The following FAM107B variants were observed in gnomAD, a reference collection of about 807,000 sequenced individuals.
FAM107B encodes family with sequence similarity 107 member B.
FAM107B carries 21 observed loss-of-function variants against 31.5 expected under a neutral mutation model. That is an observed-to-expected ratio of 0.67 (90% CI 0.47 to 0.96). FAM107B has a LOEUF of 0.96. FAM107B is among the 40% of genes least tolerant of loss of function. The probability of loss-of-function intolerance (pLI) is 0.00; values close to 1 mark genes in which losing one functional copy is unlikely to be tolerated. For synonymous variants in FAM107B, 157 were observed against 141.5 expected (o/e 1.11, Z -0.78); for missense variants, 452 against 377.1 (o/e 1.20, Z -1.64).
intron 2 of FAM107B, among the ~76,000 whole-genome samples, chr10:14,656,122 T>A (rs1854046910): frequency 6.6e-6 from 1 of 152,116 alleles, no homozygotes; most frequent in Non-Finnish European, 1.5e-5. Flanking sequence ...TTAGGACAAG[T>A]CCTTTAATGT....
At chr10:14,522,062 G>C (rs1845705310) in intron 3 of FAM107B, 43 bp from the exon 4 acceptor site, 1 of 1,574,354 alleles carries the variant, frequency 6.4e-7, no homozygotes, top group African/African-American at 1.4e-5. Flanking sequence ...TTAATCTAAT[G>C]GCTACATTTT....
At chr10:14,767,863 AAAG>A (rs150967957) in intron 1 of FAM107B, among the ~76,000 whole-genome samples, 6,579 of 152,280 alleles carry the variant, frequency 0.043, 304 homozygotes, top group African/African-American at 0.12. Flanking sequence ...CCAAATTGGA[AAAG>A]AAGAAGTAAA....
intron 2 of FAM107B, among the ~76,000 whole-genome samples, chr10:14,654,634 C>T (rs1251184889): frequency 2.6e-5 from 4 of 152,050 alleles, no homozygotes; most frequent in African/African-American, 9.7e-5. Context: ...AGCATTTAAT[C>T]CAAATATTTT....
chr10:14,626,044 C>T (rs542548327), intron 2 of FAM107B, among the ~76,000 whole-genome samples: 19 of 152,090 alleles, frequency 1.2e-4, no homozygotes, highest in African/African-American at 4.3e-4. Context: ...GATACTGGGT[C>T]CCCCCACCCC....
chr10:14,637,930 T>G (rs1477754269), intron 2 of FAM107B, among the ~76,000 whole-genome samples: 1 of 152,156 alleles, frequency 6.6e-6, no homozygotes, highest in Non-Finnish European at 1.5e-5. Context: ...ACACTTTGAT[T>G]GCAGTCATTT....
chr10:14,538,117 C>A (rs1847828485), intron 2 of FAM107B, among the ~76,000 whole-genome samples: 1 of 152,164 alleles, frequency 6.6e-6, no homozygotes, highest in Non-Finnish European at 1.5e-5. Flanking sequence ...GATTTCCTGT[C>A]TCTCAACAGG....
chr10:14,647,433 C>G (rs757666829), intron 2 of FAM107B, among the ~76,000 whole-genome samples: 1 of 152,116 alleles, frequency 6.6e-6, no homozygotes, highest in African/African-American at 2.4e-5. Context: ...AGTCCCAGCA[C>G]TTTGGGAGGC....
intron 1 of FAM107B, among the ~76,000 whole-genome samples, chr10:14,755,499 AAAAAAAAAAAAG>A (rs998443102): frequency 2.7e-5 from 4 of 150,830 alleles, no homozygotes; most frequent in African/African-American, 9.7e-5. Flanking sequence ...TCTGTCTCAA[AAAAAAAAAAAAG>A]AAAAAAGAAA....
At chr10:14,701,807 C>T (rs1855405396) in intron 1 of FAM107B, among the ~76,000 whole-genome samples, 1 of 151,334 alleles carries the variant, frequency 6.6e-6, no homozygotes. Context: ...TTGTAAAACT[C>T]ATCCCTCTGC....
At chr10:14,588,029 G>A (rs1387128392) in intron 2 of FAM107B, among the ~76,000 whole-genome samples, 3 of 152,168 alleles carry the variant, frequency 2.0e-5, no homozygotes, top group Non-Finnish European at 4.4e-5. Flanking sequence ...TCACCCATGA[G>A]TAAAAAATAA....
intron 1 of FAM107B, among the ~76,000 whole-genome samples, chr10:14,728,307 T>C (rs912509287): frequency 6.6e-6 from 1 of 151,938 alleles, no homozygotes; most frequent in Non-Finnish European, 1.5e-5. Context: ...CCCATTTTGA[T>C]TATTTCTTTC....
At chr10:14,731,564 A>G (rs918751252) in intron 1 of FAM107B, among the ~76,000 whole-genome samples, 5 of 152,298 alleles carry the variant, frequency 3.3e-5, no homozygotes, top group Non-Finnish European at 2.9e-5. Flanking sequence ...TCCATCTCAA[A>G]AAATAAATCA....
intron 2 of FAM107B, among the ~76,000 whole-genome samples, chr10:14,533,088 G>A (rs1052488583): frequency 1.3e-5 from 2 of 152,120 alleles, no homozygotes; most frequent in Admixed American, 6.5e-5. Flanking sequence ...GGGCCATGGG[G>A]AGTCATTTCC....
chr10:14,702,101 CAATT>C (rs1433007321), intron 1 of FAM107B, among the ~76,000 whole-genome samples: 5 of 152,198 alleles, frequency 3.3e-5, no homozygotes, highest in African/African-American at 1.2e-4. Context: ...AAAATGACAA[CAATT>C]AATTTGTTCC....
At chr10:14,616,394 C>T (rs1852850838) in intron 2 of FAM107B, among the ~76,000 whole-genome samples, 1 of 152,152 alleles carries the variant, frequency 6.6e-6, no homozygotes, top group Admixed American at 6.5e-5. Context: ...CTTCTGATGA[C>T]ATAAAGTAAG....
chr10:14,570,071 A>G (rs1851063033), intron 2 of FAM107B, among the ~76,000 whole-genome samples: 1 of 152,224 alleles, frequency 6.6e-6, no homozygotes, highest in Non-Finnish European at 1.5e-5. Flanking sequence ...TTAAGCCAAT[A>G]TTACTTAGGA....
chr10:14,569,661 G>C (rs1851022134), intron 2 of FAM107B, among the ~76,000 whole-genome samples: 1 of 152,196 alleles, frequency 6.6e-6, no homozygotes, highest in South Asian at 2.1e-4. Context: ...CCCTCACACA[G>C]TCAGCTCACA....
intron 2 of FAM107B, among the ~76,000 whole-genome samples, chr10:14,630,234 G>C (rs995886551): frequency 1.4e-5 from 2 of 138,250 alleles, no homozygotes; most frequent in Non-Finnish European, 3.0e-5. Flanking sequence ...ACAACATTAA[G>C]ACATGCTTAT....
chr10:14,697,226 C>A lies in FAM107B; in HGVS notation c.412-29535G>T, dbSNP rs1588712762. Reference sequence around the variant, plus strand: ...AAGGGCTGCCACATTGCCTCTGCCGCTTCATCAGCTCATAGCCAACTCTTC... The same window carrying A: ...AAGGGCTGCCACATTGCCTCTGCCGATTCATCAGCTCATAGCCAACTCTTC... On this transcript the variant is annotated intron_variant, in intron 1 of 4. Coordinates refer to ENST00000181796, the MANE Select transcript of FAM107B (RefSeq NM_031453.4). 2.6e-5 allele frequency among the ~76,000 whole-genome samples: 4 copies of A among 152,220 alleles called. No homozygotes were observed. In the East Asian group the frequency reaches 7.7e-4, roughly 29 times the overall value.
Sources: allele counts gnomAD v4.1 joint callset (sites outside exome capture counted in the v4.1 genomes callset), GRCh38; gene constraint gnomAD v4.1.1; transcripts MANE v1.5; gene names NCBI Gene and HGNC (gene_info 2026-07-23, HGNC 2026-07-21).